The following DIS3L2 variants were observed in gnomAD, a reference collection of about 807,000 sequenced individuals.
DIS3L2 encodes the protein DIS3-like exonuclease 2.
In DIS3L2, 34 loss-of-function variants were observed where a neutral mutation model predicts 97.5. That is an observed-to-expected ratio of 0.35 (90% CI 0.27 to 0.46). The LOEUF is 0.46. Among genes scored for constraint, DIS3L2 ranks in the 20% least tolerant of loss-of-function variants. DIS3L2 has a pLI of 1.00. For missense variants in DIS3L2, 1,038 were observed against 1,146.0 expected (o/e 0.91, Z 1.36); for synonymous variants, 435 against 445.2 (o/e 0.98, Z 0.29).
chr2:232,312,731 A>G (rs1695170780), intron 14 of DIS3L2, among the ~76,000 whole-genome samples: 1 of 152,210 alleles, frequency 6.6e-6, no homozygotes, highest in Non-Finnish European at 1.5e-5. Context: ...CTTCACAAAC[A>G]TGGTACCTCC....
intron 13 of DIS3L2, among the ~76,000 whole-genome samples, chr2:232,265,997 C>T (rs976626199): frequency 1.3e-5 from 2 of 152,328 alleles, no homozygotes; most frequent in Admixed American, 6.5e-5. Context: ...GTTTGATTCT[C>T]TTCTTTTTCT....
intron 9 of DIS3L2, 135 bp downstream of exon 9, chr2:232,163,767 C>A: frequency 1.0e-6 from 1 of 995,446 alleles, no homozygotes; most frequent in Non-Finnish European, 1.4e-6. Context: ...TTCTGTACCA[C>A]AGTTGGCAAA....
intron 6 of DIS3L2, among the ~76,000 whole-genome samples, chr2:232,108,126 A>G (rs10206859): frequency 0.034 from 5,150 of 152,236 alleles, 293 homozygotes; most frequent in African/African-American, 0.11. Flanking sequence ...CAGTGTAAAA[A>G]TCCTCAAAAA....
intron 9 of DIS3L2, among the ~76,000 whole-genome samples, chr2:232,209,935 C>T (rs959115403): frequency 6.6e-6 from 1 of 152,190 alleles, no homozygotes. Flanking sequence ...TGGGTCCCAT[C>T]CCCCTGTATC....
chr2:232,181,734 G>A (rs1411806243), intron 9 of DIS3L2, among the ~76,000 whole-genome samples: 2 of 152,064 alleles, frequency 1.3e-5, no homozygotes, highest in Non-Finnish European at 2.9e-5. Context: ...CACCTCCTGG[G>A]TTCAAGTGAT....
In DIS3L2 at chr2:232,144,469, A is replaced by T. The variant is rs2106362025; in HGVS notation, c.950+7750A>T. ...TTCTAGACAGTGTTTTCATGTTTTT[A>T]CCCATTTTTTTAACAGTTAATTTTT... On this transcript the variant is annotated intron_variant, in intron 8 of 20. Transcript: ENST00000325385. 2.0e-5 allele frequency among the ~76,000 whole-genome samples: 3 copies of T among 152,090 alleles called. No individual in the cohort carries two copies. In the South Asian group the frequency reaches 6.2e-4, roughly 32 times the overall value.
chr2:232,012,765 C>T (rs1217984728), intron 1 of DIS3L2, among the ~76,000 whole-genome samples: 1 of 152,162 alleles, frequency 6.6e-6, no homozygotes, highest in African/African-American at 2.4e-5. Flanking sequence ...CCCAGGACTT[C>T]TACAGGGATA....
At chr2:232,015,013 C>T in intron 2 of DIS3L2, 34 bp downstream of exon 2, 2 of 1,610,418 alleles carry the variant, frequency 1.2e-6, no homozygotes, top group Non-Finnish European at 1.7e-6. Flanking sequence ...GCCTGAATAA[C>T]TGGAGAACTG....
intron 13 of DIS3L2, among the ~76,000 whole-genome samples, chr2:232,291,991 A>T (rs1239853927): frequency 1.3e-5 from 2 of 152,102 alleles, no homozygotes. Context: ...TGGCCCTTGC[A>T]TGACGTTCTC....
At position 232,128,451 on chromosome 2, in the gene DIS3L2, A is replaced by ATTTTTT. The variant is rs10682281; in HGVS notation, c.602-2145_602-2140dup. On this transcript the variant is annotated intron_variant, in intron 6 of 20. Transcript: ENST00000325385. Reference sequence around the variant, plus strand: ...TCTCATTAAATTGACAACTTTGCTAATTTTTTTTTTTTTTTTTTTTTTTTT... The same window carrying ATTTTTT: ...TCTCATTAAATTGACAACTTTGCTAATTTTTTTTTTTTTTTTTTTTTTTTTTTTTTT... 2.2e-3 allele frequency among the ~76,000 whole-genome samples: 157 copies of ATTTTTT among 71,698 alleles called. 18 individuals are homozygous for ATTTTTT. The East Asian group carries it at 0.025, about 11-fold the overall frequency. The allele number at this position is 71,698 out of a possible 152,430, so 47.0% of individuals were successfully genotyped here.
At chr2:232,082,973 A>G (rs1559608266) in intron 5 of DIS3L2, among the ~76,000 whole-genome samples, 1 of 152,306 alleles carries the variant, frequency 6.6e-6, no homozygotes, top group Admixed American at 6.5e-5. Context: ...GCGGCCTACA[A>G]AGGAAGAGGA....
intron 6 of DIS3L2, among the ~76,000 whole-genome samples, chr2:232,121,770 A>G (rs1028869158): frequency 1.3e-5 from 2 of 152,126 alleles, no homozygotes; most frequent in Non-Finnish European, 2.9e-5. Context: ...GGTCATGTCT[A>G]TGCTGCTGGT....
chr2:232,295,536 A>G (rs1694703858), intron 13 of DIS3L2, among the ~76,000 whole-genome samples: 1 of 152,124 alleles, frequency 6.6e-6, no homozygotes, highest in African/African-American at 2.4e-5. Flanking sequence ...TCCACCATCC[A>G]TAGTGCCTTC....
At chr2:231,990,497 G>C (rs1009745927) in intron 1 of DIS3L2, among the ~76,000 whole-genome samples, 3 of 152,136 alleles carry the variant, frequency 2.0e-5, no homozygotes, top group East Asian at 1.9e-4. Context: ...GACTTTAATC[G>C]TAGTAATAAA....
intron 14 of DIS3L2, among the ~76,000 whole-genome samples, chr2:232,301,954 C>T (rs1023449495): frequency 2.0e-5 from 3 of 149,930 alleles, no homozygotes; most frequent in Non-Finnish European, 1.5e-5. Flanking sequence ...GCTGAGATTA[C>T]AGGTGTGAGT....
rs569969298 is a variant in DIS3L2 at position 232,086,450 on chromosome 2, G to A, written c.367-1037G>A. ...AGACCTTTCACTGTGAGAAAGTTCA[G>A]CCTGCAGATTGTATAACAAAGTCAG... On this transcript the variant is annotated intron_variant, in intron 5 of 20. Coordinates refer to ENST00000325385, the MANE Select transcript of DIS3L2 (RefSeq NM_152383.5). Among the ~76,000 whole-genome samples the A allele has an allele frequency of 9.5e-3, 1,393 of 147,326 alleles. 15 individuals are homozygous for A. Among genetic ancestry groups the A allele is most frequent in the South Asian group, 0.023 (108 of 4,698 alleles).
intron 5 of DIS3L2, among the ~76,000 whole-genome samples, chr2:232,070,262 G>T (rs1225696910): frequency 6.6e-6 from 1 of 152,088 alleles, no homozygotes. Flanking sequence ...GTGAGATTCC[G>T]TCTCAAAGAA....
chr2:232,063,459 T>A (rs916350641), intron 5 of DIS3L2, among the ~76,000 whole-genome samples: 2 of 152,210 alleles, frequency 1.3e-5, no homozygotes, highest in African/African-American at 4.8e-5. Context: ...AAGGATGAGC[T>A]CATTCTTCCT....
chr2:232,012,385 CTG>C (rs1424051471), intron 1 of DIS3L2, among the ~76,000 whole-genome samples: 1 of 152,202 alleles, frequency 6.6e-6, no homozygotes, highest in Non-Finnish European at 1.5e-5. Flanking sequence ...TCTAGGGACA[CTG>C]GAATTGAAAT....
Sources: allele counts gnomAD v4.1 joint callset (sites outside exome capture counted in the v4.1 genomes callset), GRCh38; gene constraint gnomAD v4.1.1; transcripts MANE v1.5; gene names NCBI Gene and HGNC (gene_info 2026-07-23, HGNC 2026-07-21).